The following ZNF282 variants were observed in gnomAD, a reference collection of about 807,000 sequenced individuals.
The protein encoded by ZNF282 is HTLV-I U5 repressive element-binding protein 1.
ZNF282 carries 30 observed loss-of-function variants against 61.9 expected under a neutral mutation model. The observed-to-expected ratio is 0.48, with a 90% CI of 0.36 to 0.66. The LOEUF is 0.66. Among genes scored for constraint, ZNF282 ranks in the 30% least tolerant of loss-of-function variants. The probability of loss-of-function intolerance (pLI) is 0.00; values close to 1 mark genes in which losing one functional copy is unlikely to be tolerated. For synonymous variants in ZNF282, 396 were observed against 405.0 expected (o/e 0.98, Z 0.27); for missense variants, 788 against 941.4 (o/e 0.84, Z 2.13).
In ZNF282 at chr7:149,198,743, G is replaced by A; in HGVS notation, c.576G>A (p.Glu192=). 2 of 1,613,258 alleles carry A rather than the reference G, an allele frequency of 1.2e-6. No individual in the cohort carries two copies. The highest frequency in any genetic ancestry group is 8.5e-7 in the Non-Finnish European group (1 of 1,179,586). ...VLRLPPGSKG[E]APKVPVTFVD... ...GGCTGCCCCCGGGCAGCAAGGGGGA[G>A]GCCCCCAAGGTATGTGGTGGTCCCT... The change falls in exon 2 of 8, where the codon GAG becomes GAA. Residue 192 remains glutamate, a synonymous_variant. Coordinates refer to ENST00000610704, the MANE Select transcript of ZNF282 (RefSeq NM_003575.4). This position sits in a 1 kb window ranked among gnomAD's most constrained non-coding sequence, Gnocchi z 4.3.
At chr7:149,223,787 A>G (rs759865322) in intron 7 of ZNF282, 25 bp from the exon 8 acceptor site, 2 of 1,478,252 alleles carry the variant, frequency 1.4e-6, no homozygotes, top group East Asian at 2.7e-5. Flanking sequence ...CCCTGTCAGC[A>G]TGTCACTTCT....
Position 149,224,034 on chromosome 7 carries a change from G to A in ZNF282, c.1403G>A (p.Gly468Glu), listed in dbSNP as rs1796311584. Residue 468 changes from glycine to glutamate, a missense_variant, in exon 8 of 8, where the codon GGG becomes GAG. By Grantham distance (98) the Gly-to-Glu change is moderately conservative. Transcript: ENST00000610704. Reference sequence around the variant, plus strand: ...GGCTCCGGCGAGGCGCCGCCGGGTGGGGACCGCAGCACCGGGGGCGGCGGG... The same window carrying A: ...GGCTCCGGCGAGGCGCCGCCGGGTGAGGACCGCAGCACCGGGGGCGGCGGG... ...ERGSGEAPPG[G>E]DRSTGGGGGD... 8.3e-7 allele frequency: 1 copy of A among 1,199,176 alleles called. No homozygotes were observed. The highest frequency in any genetic ancestry group is 1.0e-6 in the Non-Finnish European group (1 of 967,072). 74.3% of individuals were successfully genotyped at this position (1,199,176 alleles called of 1,614,324 possible). A position where few individuals can be genotyped will look rare whatever the true frequency, so the allele number is the denominator to read the frequency against.
intron 6 of ZNF282, among the ~76,000 whole-genome samples, chr7:149,213,164 C>T (rs537895148): frequency 1.3e-5 from 2 of 152,294 alleles, no homozygotes; most frequent in Non-Finnish European, 2.9e-5. Flanking sequence ...TCATCCTACC[C>T]ACCATACCAG....
rs1257099206 is a variant in ZNF282 at position 149,224,488 on chromosome 7, G to A, written c.1857G>A (p.Lys619=). 1.9e-6 allele frequency: 3 copies of A among 1,611,992 alleles called. No individual in the cohort carries two copies. The highest frequency in any genetic ancestry group is 1.3e-5 in the African/African-American group (1 of 74,506). ...TCATCCGCAAGCAGAACCTGCTCAAGCACCAGCGCATCCACACGGGCGAGC... is the reference window on the plus strand; with the variant it reads ...TCATCCGCAAGCAGAACCTGCTCAAACACCAGCGCATCCACACGGGCGAGC... ...KSFIRKQNLL[K]HQRIHTGERP... The change falls in exon 8 of 8, where the codon AAG becomes AAA. Residue 619 remains lysine, a synonymous_variant. Coordinates refer to ENST00000610704, the MANE Select transcript of ZNF282 (RefSeq NM_003575.4).
Position 149,198,234 on chromosome 7 carries a change from G to A in ZNF282, c.166-99G>A, listed in dbSNP as rs1021750482. On this transcript the variant is annotated intron_variant, in intron 1 of 7. Coordinates refer to ENST00000610704, the MANE Select transcript of ZNF282 (RefSeq NM_003575.4). This position sits in a 1 kb window ranked among gnomAD's most constrained non-coding sequence, Gnocchi z 4.3. Reference sequence around the variant, plus strand: ...TACGGGGGCCTGGCAGAAGAAAGACGACATGTAGCATCTGATTAGTTGACC... The same window carrying A: ...TACGGGGGCCTGGCAGAAGAAAGACAACATGTAGCATCTGATTAGTTGACC... 4.0e-5 allele frequency: 56 copies of A among 1,400,348 alleles called. No homozygotes were observed. The highest frequency in any genetic ancestry group is 9.7e-5 in the South Asian group (7 of 71,858). The allele number at this position is 1,400,348 out of a possible 1,614,324, so 86.7% of individuals were successfully genotyped here. A position where few individuals can be genotyped will look rare whatever the true frequency, so the allele number is the denominator to read the frequency against.
intron 2 of ZNF282, among the ~76,000 whole-genome samples, chr7:149,206,109 G>T: frequency 6.6e-6 from 1 of 152,286 alleles, no homozygotes; most frequent in East Asian, 1.9e-4. Flanking sequence ...GACTCGGGCC[G>T]CAGTGGAGCT....
Sources: allele counts gnomAD v4.1 joint callset (sites outside exome capture counted in the v4.1 genomes callset), GRCh38; gene constraint gnomAD v4.1.1; non-coding constraint Gnocchi (gnomAD v3.1); transcripts MANE v1.5; gene names NCBI Gene and HGNC (gene_info 2026-07-23, HGNC 2026-07-21).